The following FAM83F variants were observed in gnomAD, a reference collection of about 807,000 sequenced individuals.
FAM83F encodes scaffolding CK1 anchoring protein F.
In FAM83F, 45 loss-of-function variants were observed where a neutral mutation model predicts 42.9. The observed-to-expected ratio is 1.05, with a 90% CI of 0.83 to 1.35. The LOEUF is 1.35. FAM83F is among the 40% of genes most tolerant of loss of function. FAM83F has a pLI of 0.00. For synonymous variants in FAM83F, 306 were observed against 298.3 expected (o/e 1.03, Z -0.27); for missense variants, 617 against 695.9 (o/e 0.89, Z 1.28).
rs1246182655 is a variant in FAM83F, at chr22:40,042,561, A to C, written c.*12996A>C. ...CCAGGGCACCTTCTCACAGCACTGC[A>C]TCATGGTTATCTGCTTATCTGCTGG... On this transcript the variant is annotated 3_prime_UTR_variant, in exon 5 of 5. Transcript: ENST00000333407. The C allele has an allele frequency of 6.6e-6, 1 of 152,218 alleles. No individual in the cohort carries two copies. The highest frequency in any genetic ancestry group is 1.5e-5 in the Non-Finnish European group (1 of 68,050). 9.4% of individuals were successfully genotyped at this position (152,218 alleles called of 1,614,324 possible).
rs570808507 is a variant in FAM83F at position 40,023,347 on chromosome 22, A to AGCT, written c.1453+1403_1453+1405dup. Among the ~76,000 whole-genome samples the AGCT allele has an allele frequency of 2.2e-5, 3 of 136,420 alleles. No individual in the cohort carries two copies. The highest frequency in any genetic ancestry group is 6.9e-5 in the Admixed American group (1 of 14,466). The allele number at this position is 136,420 out of a possible 152,430, so 89.5% of individuals were successfully genotyped here. A position where few individuals can be genotyped will look rare whatever the true frequency, so the allele number is the denominator to read the frequency against. ...TGGGCTCCCTGGCTCCCCTAACACC[A>AGCT]GCTGCTGCTGCTGCTGCTGCTCCTG... On this transcript the variant is annotated intron_variant, in intron 4 of 4. Coordinates refer to ENST00000333407, the MANE Select transcript of FAM83F (RefSeq NM_138435.4). This position sits in a 1 kb window ranked among gnomAD's most constrained non-coding sequence, Gnocchi z 4.1.
Position 40,021,317 on chromosome 22 carries a change from C to A in FAM83F, c.807C>A (p.Asp269Glu). 1 of 1,562,376 alleles carries A rather than the reference C, an allele frequency of 6.4e-7. No homozygotes were observed. The highest frequency in any genetic ancestry group is 1.2e-5 in the South Asian group (1 of 86,088). ...YRFTWSSSHV[D>E]RNLLLLLTGQ... is the part of the protein sequence containing the mutation. ...TCACCTGGAGTTCCTCCCATGTGGA[C>A]AGAAACCTCCTCCTGCTCCTGACAG... The change falls in exon 4 of 5, where the codon GAC becomes GAA. Residue 269 changes from aspartate (D) to glutamate (E), a missense_variant. Transcript: ENST00000333407. The surrounding 1 kb of genome is among the most constrained non-coding windows in gnomAD (Gnocchi z 8.7).
intron 1 of FAM83F, among the ~76,000 whole-genome samples, chr22:40,010,624 C>T (rs2067457774): frequency 6.6e-6 from 1 of 152,188 alleles, no homozygotes; most frequent in Admixed American, 6.5e-5. Flanking sequence ...AACCACAAAG[C>T]AAAAGTAAGC....
rs548173605 is a variant in FAM83F, at chr22:40,025,863, G to A, written c.1454-3653G>A. Among the ~76,000 whole-genome samples, 19 of 152,294 alleles carry A rather than the reference G, an allele frequency of 1.2e-4. No homozygotes were observed. The South Asian group carries it at 1.5e-3, about 12-fold the overall frequency. ...TCCTCAGACCAGCCGACTCCGTGGCGACTGAGGAAACACAGATGAGGCCCT... is the reference window on the plus strand; with the variant it reads ...TCCTCAGACCAGCCGACTCCGTGGCAACTGAGGAAACACAGATGAGGCCCT... On this transcript the variant is annotated intron_variant, in intron 4 of 4. Coordinates refer to ENST00000333407, the MANE Select transcript of FAM83F (RefSeq NM_138435.4).
At chr22:40,028,504 C>T (rs999753218) in intron 4 of FAM83F, among the ~76,000 whole-genome samples, 2 of 152,172 alleles carry the variant, frequency 1.3e-5, no homozygotes, top group Admixed American at 6.5e-5. Flanking sequence ...GCAGCCAGCG[C>T]TCCGAGGACA....
intron 1 of FAM83F, among the ~76,000 whole-genome samples, chr22:40,015,100 G>A (rs1178445611): frequency 2.6e-5 from 4 of 152,166 alleles, no homozygotes; most frequent in Non-Finnish European, 5.9e-5. Context: ...GTGTAAGAGA[G>A]ATCCACGGAG....
chr22:40,010,792 C>T (rs1466897906), intron 1 of FAM83F, among the ~76,000 whole-genome samples: 4 of 152,148 alleles, frequency 2.6e-5, no homozygotes, highest in African/African-American at 7.2e-5. Context: ...TAGGAGATGG[C>T]GATCAAGTAT....
intron 1 of FAM83F, among the ~76,000 whole-genome samples, chr22:40,005,406 C>T (rs761557196): frequency 5.3e-5 from 8 of 152,240 alleles, no homozygotes; most frequent in Admixed American, 1.3e-4. Flanking sequence ...CTAATTAACA[C>T]CAACTTAGTG....
chr22:40,021,539 G>A lies in FAM83F; in HGVS notation c.1029G>A (p.Trp343Ter), dbSNP rs1569234868. The change falls in exon 4 of 5, where the codon TGG becomes TGA. Residue 343 changes from tryptophan (W) to a stop codon, truncating the protein, a stop_gained. Coordinates refer to ENST00000333407, the MANE Select transcript of FAM83F (RefSeq NM_138435.4). LOFTEE classifies it high-confidence loss of function. The surrounding 1 kb of genome is among the most constrained non-coding windows in gnomAD (Gnocchi z 8.7). ...ACCCGCCTGGGGAGATGATGCGCTGGGCTGCCCGGCAACAGCGGGAGGCGG... is the reference window on the plus strand; with the variant it reads ...ACCCGCCTGGGGAGATGATGCGCTGAGCTGCCCGGCAACAGCGGGAGGCGG... ...CRHPPGEMMR[W>*]AARQQREAGG... 1 of 1,568,022 alleles carries A rather than the reference G, an allele frequency of 6.4e-7. No homozygotes were observed. The highest frequency in any genetic ancestry group is 2.3e-5 in the East Asian group (1 of 44,194).
At chr22:39,997,273 G>A (rs2067377028) in intron 1 of FAM83F, among the ~76,000 whole-genome samples, 1 of 152,228 alleles carries the variant, frequency 6.6e-6, no homozygotes, top group Non-Finnish European at 1.5e-5. Context: ...CTGGAGTGCA[G>A]GTGGTGTACC....
chr22:40,019,082 C>T (rs2145719024), intron 1 of FAM83F, 86 bp from the exon 2 acceptor site: 1 of 1,517,880 alleles, frequency 6.6e-7, no homozygotes, highest in Non-Finnish European at 9.0e-7. Context: ...CCAGTGACCC[C>T]AGGGCGAGGT....
At chr22:40,013,505 C>G (rs1051374394) in intron 1 of FAM83F, among the ~76,000 whole-genome samples, 1 of 152,172 alleles carries the variant, frequency 6.6e-6, no homozygotes, top group African/African-American at 2.4e-5. Flanking sequence ...TTGGTCAGTT[C>G]CTTCCTACTT....
chr22:40,013,974 G>C (rs918678527), intron 1 of FAM83F, among the ~76,000 whole-genome samples: 1 of 151,470 alleles, frequency 6.6e-6, no homozygotes, highest in African/African-American at 2.4e-5. Context: ...AAGGCTATTG[G>C]TTTTTGTTAA....
At chr22:40,024,149 G>A (rs2145721916) in intron 4 of FAM83F, among the ~76,000 whole-genome samples, 1 of 152,302 alleles carries the variant, frequency 6.6e-6, no homozygotes. Context: ...ACAGGTGTGT[G>A]CCACCATGCC....
chr22:40,006,241 A>G lies in FAM83F; in HGVS notation c.489+10710A>G, dbSNP rs1429784091. On this transcript the variant is annotated intron_variant, in intron 1 of 4. Coordinates refer to ENST00000333407, the MANE Select transcript of FAM83F (RefSeq NM_138435.4). ...GGCAACAGAGTGAGATGCCATCTCAAAAAAAAAAAAAAAGATGCTATTGCA... is the reference window on the plus strand; with the variant it reads ...GGCAACAGAGTGAGATGCCATCTCAGAAAAAAAAAAAAAGATGCTATTGCA... Among the ~76,000 whole-genome samples the G allele has an allele frequency of 5.7e-5, 5 of 88,306 alleles. No individual in the cohort carries two copies. The South Asian group carries it at 1.4e-3, about 24-fold the overall frequency. The allele number at this position is 88,306 out of a possible 152,430, so 57.9% of individuals were successfully genotyped here.
chr22:40,026,026 A>G (rs1221968964), intron 4 of FAM83F, among the ~76,000 whole-genome samples: 10 of 152,320 alleles, frequency 6.6e-5, no homozygotes, highest in African/African-American at 2.4e-4. Flanking sequence ...ACTCCATCAC[A>G]TGGAACTGGC....
chr22:39,999,902 C>T (rs1025208520), intron 1 of FAM83F, among the ~76,000 whole-genome samples: 7 of 152,240 alleles, frequency 4.6e-5, no homozygotes, highest in Non-Finnish European at 1.0e-4. Flanking sequence ...TAAGAGGCCA[C>T]CTCTGCCTTG....
chr22:40,014,635 T>C (rs898427124), intron 1 of FAM83F, among the ~76,000 whole-genome samples: 34 of 152,360 alleles, frequency 2.2e-4, no homozygotes, highest in South Asian at 6.2e-4. Context: ...ATTATGTCTG[T>C]AGTAATTTCT....
rs2067660902 is a variant in FAM83F, at chr22:40,043,343, T to C, written c.*13778T>C. 1.3e-5 allele frequency: 2 copies of C among 152,204 alleles called. No individual in the cohort carries two copies. The highest frequency in any genetic ancestry group is 1.3e-4 in the Admixed American group (2 of 15,282). The allele number at this position is 152,204 out of a possible 1,614,324, so 9.4% of individuals were successfully genotyped here. On this transcript the variant is annotated 3_prime_UTR_variant, in exon 5 of 5. Coordinates refer to ENST00000333407, the MANE Select transcript of FAM83F (RefSeq NM_138435.4). Reference sequence around the variant, plus strand: ...TTCGGTCGCAAAAGCTCACTGGCAATGGGTCCTAAGCGTCCTGCCCTCCTC... The same window carrying C: ...TTCGGTCGCAAAAGCTCACTGGCAACGGGTCCTAAGCGTCCTGCCCTCCTC...
Sources: gnomAD v4.1 joint callset for allele counts (sites outside exome capture counted in the v4.1 genomes callset) on GRCh38, gnomAD v4.1.1 for gene constraint, Gnocchi (gnomAD v3.1) non-coding constraint, MANE v1.5 for transcripts, NCBI Gene and HGNC (gene_info 2026-07-23, HGNC 2026-07-21) for gene names.